Variants in MYLK4 observed in about 807,000 individuals in gnomAD.
The protein encoded by MYLK4 is myosin light chain kinase family member 4.
MYLK4 carries 46 observed loss-of-function variants against 48.1 expected under a neutral mutation model. That is an observed-to-expected ratio of 0.96 (90% CI 0.75 to 1.22). The LOEUF is 1.22. Ranked by LOEUF, MYLK4 falls within the 50% of genes most tolerant of loss-of-function variation. The pLI is 0.00. For missense variants in MYLK4, 451 were observed against 486.1 expected (o/e 0.93, Z 0.68); for synonymous variants, 170 against 180.8 (o/e 0.94, Z 0.48).
the MYLK4 span, chr6:2,765,825 G>T: frequency 2.9e-6 from 4 of 1,361,038 alleles, no homozygotes; most frequent in African/African-American, 1.5e-5. Context: ...TCGCCGCCCG[G>T]CGCCAAGAGG....
At chr6:2,701,779 C>A (rs1226354726) in intron 2 of MYLK4, among the ~76,000 whole-genome samples, 2 of 152,222 alleles carry the variant, frequency 1.3e-5, no homozygotes, top group African/African-American at 4.8e-5. Context: ...GAACCTCAGC[C>A]TCTCCCCACC....
chr6:2,757,681 T>C, the MYLK4 span, among the ~76,000 whole-genome samples: 1 of 151,790 alleles, frequency 6.6e-6, no homozygotes, highest in Non-Finnish European at 1.5e-5. Context: ...CCGGGCACAG[T>C]AGATGCAATA....
Position 2,688,883 on chromosome 6 carries a change from G to A in MYLK4, c.309C>T (p.Phe103=). The change falls in exon 4 of 13, where the codon TTC becomes TTT. Residue 103 remains phenylalanine (F), a synonymous_variant. Transcript: ENST00000274643. ...GGATTTCTGTCTTGCTCACAGTATAGAAGCTGTTGACCGCTCCTTGCTTGG... is the reference window on the plus strand; with the variant it reads ...GGATTTCTGTCTTGCTCACAGTATAAAAGCTGTTGACCGCTCCTTGCTTGG... ...VTAKQGAVNS[F]YTVSKTEILG... 1 of 1,614,192 alleles carries A rather than the reference G, an allele frequency of 6.2e-7. No individual in the cohort carries two copies. The highest frequency in any genetic ancestry group is 1.3e-5 in the African/African-American group (1 of 75,050).
the MYLK4 span, among the ~76,000 whole-genome samples, chr6:2,760,842 T>C: frequency 1.6e-4 from 25 of 152,184 alleles, no homozygotes; most frequent in African/African-American, 6.0e-4. Context: ...GAATAAACAA[T>C]ACGAAATGTG....
chr6:2,688,871 G>C lies in MYLK4; in HGVS notation c.321C>G (p.Ser107Arg). 6.2e-7 allele frequency: 1 copy of C among 1,613,998 alleles called. No homozygotes were observed. The highest frequency in any genetic ancestry group is 8.5e-7 in the Non-Finnish European group (1 of 1,179,878). ...QGAVNSFYTV[S>R]KTEILGGGRF... ...CTCACCCTCCTAGGATTTCTGTCTTGCTCACAGTATAGAAGCTGTTGACCG... is the reference window on the plus strand; with the variant it reads ...CTCACCCTCCTAGGATTTCTGTCTTCCTCACAGTATAGAAGCTGTTGACCG... Residue 107 changes from serine to arginine, a missense_variant, in exon 4 of 13, where the codon AGC becomes AGG. By Grantham distance (110) the Ser-to-Arg change is moderately radical. Transcript: ENST00000274643.
intron 2 of MYLK4, among the ~76,000 whole-genome samples, chr6:2,699,457 A>T (rs1224558588): frequency 1.4e-5 from 2 of 138,154 alleles, no homozygotes; most frequent in Admixed American, 7.2e-5. Flanking sequence ...CACCTGGCTA[A>T]TTTTTTTTTT....
chr6:2,747,961 T>C (rs1764156379), intron 2 of MYLK4, among the ~76,000 whole-genome samples: 1 of 152,240 alleles, frequency 6.6e-6, no homozygotes, highest in South Asian at 2.1e-4. Flanking sequence ...AATGTTTCAA[T>C]CTGATTCATT....
At chr6:2,734,302 G>T (rs1032071616) in intron 2 of MYLK4, among the ~76,000 whole-genome samples, 1 of 152,136 alleles carries the variant, frequency 6.6e-6, no homozygotes, top group African/African-American at 2.4e-5. Flanking sequence ...TCCATGCTGC[G>T]GTCTGTCAGC....
At chr6:2,762,410 T>C in the MYLK4 span, among the ~76,000 whole-genome samples, 1 of 152,228 alleles carries the variant, frequency 6.6e-6, no homozygotes, top group Non-Finnish European at 1.5e-5. Context: ...CATTATTTTC[T>C]GAAAAAAGAA....
intron 2 of MYLK4, among the ~76,000 whole-genome samples, chr6:2,742,241 C>T (rs1460546375): frequency 1.3e-5 from 2 of 152,166 alleles, no homozygotes; most frequent in East Asian, 1.9e-4. Context: ...CCGGGAAAGG[C>T]GCAGGCCATG....
At chr6:2,737,899 CT>C (rs11290655) in intron 2 of MYLK4, among the ~76,000 whole-genome samples, 56,828 of 125,440 alleles carry the variant, frequency 0.45, 12,417 homozygotes, top group East Asian at 0.55. Context: ...GTTCATGTAG[CT>C]TTTTTTTTTT....
intron 2 of MYLK4, among the ~76,000 whole-genome samples, chr6:2,707,826 A>G (rs896228232): frequency 1.1e-4 from 17 of 152,220 alleles, no homozygotes; most frequent in African/African-American, 4.1e-4. Flanking sequence ...AAATCAACAA[A>G]TCAAAATCCT....
chr6:2,761,402 G>C, the MYLK4 span, among the ~76,000 whole-genome samples: 10 of 152,108 alleles, frequency 6.6e-5, no homozygotes, highest in African/African-American at 2.4e-4. Context: ...GTTTAAATTT[G>C]ATTGGCAAAG....
At chr6:2,705,627 A>T (rs1195070903) in intron 2 of MYLK4, among the ~76,000 whole-genome samples, 1 of 152,252 alleles carries the variant, frequency 6.6e-6, no homozygotes, top group Non-Finnish European at 1.5e-5. Context: ...TCCAAAAAGC[A>T]GCACTTTTTG....
chr6:2,719,182 G>T (rs1295109755), intron 2 of MYLK4, among the ~76,000 whole-genome samples: 1 of 152,164 alleles, frequency 6.6e-6, no homozygotes, highest in Admixed American at 6.5e-5. Context: ...TAAATCTTGG[G>T]TTACATTCCT....
At chr6:2,694,604 GATGATTGTAGTGGTGATGGCGGTTGTA>G (rs1761987655) in intron 2 of MYLK4, among the ~76,000 whole-genome samples, 1 of 137,024 alleles carries the variant, frequency 7.3e-6, no homozygotes, top group African/African-American at 2.6e-5. Context: ...TGGTGGTGGT[GATGATTGTAGTGGTGATGGCGGTTGTA>G]GTGGTGATGG....
chr6:2,693,374 G>A (rs1212432200), intron 2 of MYLK4, among the ~76,000 whole-genome samples: 1 of 152,192 alleles, frequency 6.6e-6, no homozygotes, highest in Non-Finnish European at 1.5e-5. Flanking sequence ...AAATAGAAAT[G>A]AGAGGATACA....
intron 2 of MYLK4, among the ~76,000 whole-genome samples, chr6:2,704,333 G>A (rs946699892): frequency 6.6e-6 from 1 of 152,150 alleles, no homozygotes; most frequent in Non-Finnish European, 1.5e-5. Context: ...CAAGTCCCAC[G>A]TCCATGCAGC....
the MYLK4 span, chr6:2,768,938 G>A: frequency 6.6e-7 from 1 of 1,515,660 alleles, no homozygotes; most frequent in Non-Finnish European, 8.9e-7. Flanking sequence ...AATATAAAGT[G>A]TGTGAGATCA....
Sources: gnomAD v4.1 joint callset for allele counts (sites outside exome capture counted in the v4.1 genomes callset) on GRCh38, gnomAD v4.1.1 for gene constraint, MANE v1.5 for transcripts, NCBI Gene and HGNC (gene_info 2026-07-23, HGNC 2026-07-21) for gene names.